PCDHB4: variants seen among roughly 807,000 people sequenced by gnomAD.
PCDHB4 encodes protocadherin beta-4.
For synonymous variants in PCDHB4, 482 were observed against 447.3 expected (o/e 1.08, Z -0.98); for missense variants, 1,063 against 1,007.0 (o/e 1.06, Z -0.75).
At position 141,123,391 on chromosome 5, in the gene PCDHB4, C is replaced by T; in HGVS notation, c.1393C>T (p.Pro465Ser). ...CCTGTTCGTCCGCGAGAACAACAGC[C>T]CCGCCCTGCACATCGGCAGTGTCAG... ...YTLFVRENNS[P>S]ALHIGSVSAT... Residue 465 changes from proline (P) to serine (S), a missense_variant, in exon 1 of 1, where the codon CCC (proline) becomes TCC (serine). Pro to Ser is a moderately conservative substitution (Grantham distance 74). Coordinates refer to ENST00000194152, the MANE Select transcript of PCDHB4 (RefSeq NM_018938.4). 1 of 1,613,708 alleles carries T rather than the reference C, an allele frequency of 6.2e-7. No homozygotes were observed. Among genetic ancestry groups the T allele is most frequent in the South Asian group, 1.1e-5 (1 of 91,050 alleles).
chr5:141,124,483 A>C lies in PCDHB4; in HGVS notation c.*97A>C, dbSNP rs146103699. ...AAATTGTCTACTTATCTAAATATTCATACCACAATTTCAAACCTACTCATG... is the reference window on the plus strand; with the variant it reads ...AAATTGTCTACTTATCTAAATATTCCTACCACAATTTCAAACCTACTCATG... On this transcript the variant is annotated 3_prime_UTR_variant, in exon 1 of 1. Coordinates refer to ENST00000194152, the MANE Select transcript of PCDHB4 (RefSeq NM_018938.4). The C allele has an allele frequency of 1.1e-4, 115 of 1,075,328 alleles. 1 individual carries two copies. The African/African-American group carries it at 1.6e-3, about 15-fold the overall frequency. The allele number at this position is 1,075,328 out of a possible 1,614,324, so 66.6% of individuals were successfully genotyped here.
chr5:141,123,331 G>C lies in PCDHB4; in HGVS notation c.1333G>C (p.Asp445His). ...AACCGTGCAGGTCTCCGACGTCAAT[G>C]ACAACGCCCCCGCCTTCACCCAAAC... The part of the protein sequence containing the change: ...NITVQVSDVN[D>H]NAPAFTQTSY... The change falls in exon 1 of 1, where the codon GAC becomes CAC. Residue 445 changes from aspartate (D) to histidine (H), a missense_variant. Physicochemically the swap from Asp to His is moderately conservative, Grantham distance 81. Transcript: ENST00000194152. 6.2e-7 allele frequency: 1 copy of C among 1,614,112 alleles called. No homozygotes were observed. The highest frequency in any genetic ancestry group is 8.5e-7 in the Non-Finnish European group (1 of 1,180,028).
rs781822336 is a variant in PCDHB4 at position 141,124,151 on chromosome 5, C to T, written c.2153C>T (p.Ala718Val). ...VAVRLCRRSR[A>V]ASVGRCSVPE... The stretch of plus-strand genomic sequence containing the variant: ...GTGCGGCTGTGCAGGAGGAGCAGGG[C>T]GGCCTCGGTGGGTCGCTGCTCGGTG... The change falls in exon 1 of 1, where the codon GCG (alanine) becomes GTG (valine). Residue 718 changes from alanine to valine, a missense_variant. Transcript: ENST00000194152. 1 of 1,612,306 alleles carries T rather than the reference C, an allele frequency of 6.2e-7. No homozygotes were observed. Among genetic ancestry groups the T allele is most frequent in the South Asian group, 1.1e-5 (1 of 91,012 alleles).
At position 141,123,200 on chromosome 5, in the gene PCDHB4, C is replaced by A. The variant is rs782040264; in HGVS notation, c.1202C>A (p.Thr401Asn). ...AAACCAACTTTGAAGAATTTTTACA[C>A]CCTGGTAACAGAGAGACCACTGGAC... ...ILKPTLKNFY[T>N]LVTERPLDRE... The change falls in exon 1 of 1, where the codon ACC becomes AAC. Residue 401 changes from threonine (T) to asparagine (N), a missense_variant. Thr to Asn is a moderately conservative substitution (Grantham distance 65, BLOSUM62 0). Transcript: ENST00000194152. 1.2e-6 allele frequency: 2 copies of A among 1,614,176 alleles called. No homozygotes were observed. Among genetic ancestry groups the A allele is most frequent in the East Asian group, 4.5e-5 (2 of 44,880 alleles).
chr5:141,123,643 C>G lies in PCDHB4; in HGVS notation c.1645C>G (p.Leu549Val), dbSNP rs782503260. 6.2e-7 allele frequency: 1 copy of G among 1,611,768 alleles called. No individual in the cohort carries two copies. The highest frequency in any genetic ancestry group is 2.2e-5 in the East Asian group (1 of 44,878). The part of the protein sequence containing the change: ...ALSSEALVRV[L>V]VLDTNDNSPF... ...GAGCAGCGAGGCGCTGGTGCGCGTG[C>G]TGGTGCTGGACACCAACGACAACTC... Residue 549 changes from leucine to valine, a missense_variant, in exon 1 of 1, where the codon CTG (leucine) becomes GTG (valine). Leu to Val is a conservative substitution (Grantham distance 32, BLOSUM62 1). Coordinates refer to ENST00000194152, the MANE Select transcript of PCDHB4 (RefSeq NM_018938.4).
In PCDHB4 at chr5:141,122,624, T is replaced by G; in HGVS notation, c.626T>G (p.Leu209Ter). Reference protein sequence around the residue: ...LDREEQPEFSLTLVALDGGSP... With the variant: ...LDREEQPEFS ...CGAGAGGAGCAGCCTGAGTTCAGCT[T>G]AACCCTCGTGGCGCTGGATGGTGGG... Residue 209 changes from leucine (L) to a stop codon, truncating the protein, a stop_gained, in exon 1 of 1, where the codon TTA becomes TGA. Transcript: ENST00000194152. LOFTEE classifies it low-confidence loss of function (END_TRUNC). The G allele has an allele frequency of 1.2e-6, 2 of 1,614,204 alleles. No homozygotes were observed. The highest frequency in any genetic ancestry group is 1.7e-6 in the Non-Finnish European group (2 of 1,180,024).
Position 141,124,072 on chromosome 5 carries a change from G to A in PCDHB4, c.2074G>A (p.Ala692Thr), listed in dbSNP as rs1209221925. The A allele has an allele frequency of 6.2e-7, 1 of 1,607,940 alleles. No homozygotes were observed. The highest frequency in any genetic ancestry group is 1.1e-5 in the South Asian group (1 of 91,006). Residue 692 changes from alanine (A) to threonine (T), a missense_variant, in exon 1 of 1, where the codon GCG (alanine) becomes ACG (threonine). Physicochemically the swap from Ala to Thr is moderately conservative, Grantham distance 58. Coordinates refer to ENST00000194152, the MANE Select transcript of PCDHB4 (RefSeq NM_018938.4). ...ADSLTVYLVV[A>T]LASVSSLFLF... ...CTCTCTCACCGTCTACCTGGTGGTG[G>A]CGTTGGCCTCGGTGTCGTCGCTCTT...
Position 141,123,428 on chromosome 5 carries a change from G to A in PCDHB4, c.1430G>A (p.Arg477Lys). The A allele has an allele frequency of 6.2e-7, 1 of 1,613,262 alleles. No individual in the cohort carries two copies. The highest frequency in any genetic ancestry group is 8.5e-7 in the Non-Finnish European group (1 of 1,180,048). Residue 477 changes from arginine (R) to lysine (K), a missense_variant, in exon 1 of 1, where the codon AGA becomes AAA. Transcript: ENST00000194152. ...LHIGSVSATD[R>K]DSGTNAQVTY... The stretch of plus-strand genomic sequence containing the variant: ...ATCGGCAGTGTCAGCGCCACAGACA[G>A]AGACTCGGGCACCAACGCCCAGGTC...
chr5:141,122,440 G>T lies in PCDHB4; in HGVS notation c.442G>T (p.Gly148Cys), dbSNP rs781805125. Residue 148 changes from glycine (G) to cysteine (C), a missense_variant, in exon 1 of 1, where the codon GGT (glycine) becomes TGT (cysteine). Physicochemically the swap from Gly to Cys is radical, Grantham distance 159. Transcript: ENST00000194152. The part of the protein sequence containing the change: ...LLKILENSQP[G>C]TLFPLLIAED... ...GAAAATACTAGAAAATAGCCAGCCG[G>T]GTACTCTATTTCCGTTGCTAATAGC... The T allele has an allele frequency of 1.2e-6, 2 of 1,614,092 alleles. No individual in the cohort carries two copies. The highest frequency in any genetic ancestry group is 1.1e-5 in the South Asian group (1 of 91,082).
In PCDHB4 at chr5:141,124,467, A is replaced by C; in HGVS notation, c.*81A>C. ...ATGCCTTTATTTAAAAAAATTGTCT[A>C]CTTATCTAAATATTCATACCACAAT... On this transcript the variant is annotated 3_prime_UTR_variant, in exon 1 of 1. Coordinates refer to ENST00000194152, the MANE Select transcript of PCDHB4 (RefSeq NM_018938.4). 1 of 1,194,106 alleles carries C rather than the reference A, an allele frequency of 8.4e-7. No homozygotes were observed. The highest frequency in any genetic ancestry group is 2.7e-5 in the Admixed American group (1 of 36,392). The allele number at this position is 1,194,106 out of a possible 1,614,324, so 74.0% of individuals were successfully genotyped here.
Position 141,124,611 on chromosome 5 carries a change from T to G in PCDHB4, c.*225T>G. On this transcript the variant is annotated 3_prime_UTR_variant, in exon 1 of 1. Coordinates refer to ENST00000194152, the MANE Select transcript of PCDHB4 (RefSeq NM_018938.4). ...GTATGGATTTTCTCTATATTTGATC[T>G]ATTGGTGATTAATCTTTTTGTAATC... is the stretch of plus-strand genomic sequence containing the variant. The G allele has an allele frequency of 2.6e-6, 1 of 381,984 alleles. No individual in the cohort carries two copies. Among genetic ancestry groups the G allele is most frequent in the Admixed American group, 4.1e-5 (1 of 24,328 alleles). 23.7% of individuals were successfully genotyped at this position (381,984 alleles called of 1,614,324 possible). A position where few individuals can be genotyped will look rare whatever the true frequency, so the allele number is the denominator to read the frequency against.
In PCDHB4 at chr5:141,125,200, A is replaced by G. The variant is rs1752390331; in HGVS notation, c.*814A>G. On this transcript the variant is annotated 3_prime_UTR_variant, in exon 1 of 1. Coordinates refer to ENST00000194152, the MANE Select transcript of PCDHB4 (RefSeq NM_018938.4). Reference sequence around the variant, plus strand: ...AAAAAAAATCTCAGAATCTGAAATAAGCCCTAAATTTCTCCCCAAAATCAA... The same window carrying G: ...AAAAAAAATCTCAGAATCTGAAATAGGCCCTAAATTTCTCCCCAAAATCAA... 6.6e-6 allele frequency: 1 copy of G among 152,192 alleles called. No individual in the cohort carries two copies. Among genetic ancestry groups the G allele is most frequent in the South Asian group, 2.1e-4 (1 of 4,822 alleles). 9.4% of individuals were successfully genotyped at this position (152,192 alleles called of 1,614,324 possible). A position where few individuals can be genotyped will look rare whatever the true frequency, so the allele number is the denominator to read the frequency against.
chr5:141,123,083 C>CG lies in PCDHB4; in HGVS notation c.1087dup (p.Val363GlyfsTer10). On this transcript the variant is annotated frameshift_variant, in exon 1 of 1. Transcript: ENST00000194152. LOFTEE classifies it low-confidence loss of function (END_TRUNC). ...TCCATCCCAGAAAATGCTCCTGAGACGGTAGTCTCTATCTTCCGAATTCGA... is the reference window on the plus strand; with the variant it reads ...TCCATCCCAGAAAATGCTCCTGAGACGGGTAGTCTCTATCTTCCGAATTCGA... 1 of 1,613,668 alleles carries CG rather than the reference C, an allele frequency of 6.2e-7. No individual in the cohort carries two copies. The highest frequency in any genetic ancestry group is 1.1e-5 in the South Asian group (1 of 90,994).
Position 141,124,751 on chromosome 5 carries a change from T to A in PCDHB4, c.*365T>A, listed in dbSNP as rs1172975095. 1 of 166,102 alleles carries A rather than the reference T, an allele frequency of 6.0e-6. No individual in the cohort carries two copies. Among genetic ancestry groups the A allele is most frequent in the Admixed American group, 5.8e-5 (1 of 17,136 alleles). The allele number at this position is 166,102 out of a possible 1,614,324, so 10.3% of individuals were successfully genotyped here. On this transcript the variant is annotated 3_prime_UTR_variant, in exon 1 of 1. Coordinates refer to ENST00000194152, the MANE Select transcript of PCDHB4 (RefSeq NM_018938.4). ...TGAATATTGAATTTCTAAATATTTG[T>A]TGTGCCTGTCTTTACCATGTAACTT...
At position 141,124,276 on chromosome 5, in the gene PCDHB4, A is replaced by T. The variant is rs781929599; in HGVS notation, c.2278A>T (p.Thr760Ser). ...GGTGTGTCTGACAGGAGACTCTGGG[A>T]CTGGTGAGTTCAAGTTCCTGAAGCC... ...YEVCLTGDSG[T>S]GEFKFLKPIF... The change falls in exon 1 of 1, where the codon ACT becomes TCT. Residue 760 changes from threonine to serine, a missense_variant. By Grantham distance (58) the Thr-to-Ser change is moderately conservative. Transcript: ENST00000194152. The T allele has an allele frequency of 3.7e-6, 6 of 1,613,894 alleles. No individual in the cohort carries two copies. Among genetic ancestry groups the T allele is most frequent in the Non-Finnish European group, 8.5e-7 (1 of 1,179,946 alleles).
chr5:141,122,453 C>G lies in PCDHB4; in HGVS notation c.455C>G (p.Pro152Arg). 6.2e-7 allele frequency: 1 copy of G among 1,614,202 alleles called. No homozygotes were observed. The highest frequency in any genetic ancestry group is 8.5e-7 in the Non-Finnish European group (1 of 1,180,020). ...AATAGCCAGCCGGGTACTCTATTTCCGTTGCTAATAGCTGAGGATTTGGAT... is the reference window on the plus strand; with the variant it reads ...AATAGCCAGCCGGGTACTCTATTTCGGTTGCTAATAGCTGAGGATTTGGAT... Reference protein sequence around the residue: ...LENSQPGTLFPLLIAEDLDVG... With the variant: ...LENSQPGTLFRLLIAEDLDVG... Residue 152 changes from proline to arginine, a missense_variant, in exon 1 of 1, where the codon CCG becomes CGG. Coordinates refer to ENST00000194152, the MANE Select transcript of PCDHB4 (RefSeq NM_018938.4).
Position 141,123,628 on chromosome 5 carries a change from G to A in PCDHB4, c.1630G>A (p.Ala544Thr). The A allele has an allele frequency of 1.2e-6, 2 of 1,611,952 alleles. No individual in the cohort carries two copies. The highest frequency in any genetic ancestry group is 1.3e-5 in the African/African-American group (1 of 75,000). The change falls in exon 1 of 1, where the codon GCG becomes ACG. Residue 544 changes from alanine to threonine, a missense_variant. Ala to Thr is a moderately conservative substitution (Grantham distance 58). Transcript: ENST00000194152. ...CGGTTCTCCGGCTTTGAGCAGCGAG[G>A]CGCTGGTGCGCGTGCTGGTGCTGGA... ...DRGSPALSSE[A>T]LVRVLVLDTN...
rs1554274298 is a variant in PCDHB4, at chr5:141,122,199, T to G, written c.201T>G (p.Ser67=). The G allele has an allele frequency of 1.9e-6, 3 of 1,614,216 alleles. No individual in the cohort carries two copies. The highest frequency in any genetic ancestry group is 2.5e-6 in the Non-Finnish European group (3 of 1,180,040). Residue 67 remains serine, a synonymous_variant, in exon 1 of 1, where the codon TCT becomes TCG. Coordinates refer to ENST00000194152, the MANE Select transcript of PCDHB4 (RefSeq NM_018938.4). ...CCTCCCGGTCAGCCCGGGTGCTGTC[T>G]GACGATGACAAGCAGCGTTTGCAGC... ...ELASRSARVL[S]DDDKQRLQLD...
chr5:141,123,159 T>C lies in PCDHB4; in HGVS notation c.1161T>C (p.Asn387=). 6.2e-7 allele frequency: 1 copy of C among 1,614,112 alleles called. No individual in the cohort carries two copies. Among genetic ancestry groups the C allele is most frequent in the Non-Finnish European group, 8.5e-7 (1 of 1,180,032 alleles). Residue 387 remains asparagine (N), a synonymous_variant, in exon 1 of 1, where the codon AAT becomes AAC. Coordinates refer to ENST00000194152, the MANE Select transcript of PCDHB4 (RefSeq NM_018938.4). ...NGKMICSIPD[N]LPFILKPTLK... is the part of the protein sequence containing the mutation. Reference sequence around the variant, plus strand: ...AGATGATTTGCTCTATTCCAGATAATCTACCGTTTATTCTAAAACCAACTT... The same window carrying C: ...AGATGATTTGCTCTATTCCAGATAACCTACCGTTTATTCTAAAACCAACTT...
Sources: gnomAD v4.1 joint callset for allele counts on GRCh38, gnomAD v4.1.1 for gene constraint, MANE v1.5 for transcripts, NCBI Gene and HGNC (gene_info 2026-07-23, HGNC 2026-07-21) for gene names.